CCDC171: variants seen among roughly 807,000 people sequenced by gnomAD.
The protein encoded by CCDC171 is coiled-coil domain containing 171.
A neutral mutation model predicts 168.2 loss-of-function variants in CCDC171; 177 were observed. That is an observed-to-expected ratio of 1.05 (90% confidence interval 0.93 to 1.19). The LOEUF (loss-of-function observed/expected upper bound fraction) is 1.19. Ranked by LOEUF, CCDC171 falls within the 50% of genes most tolerant of loss-of-function variation. The probability of loss-of-function intolerance (pLI) is 0.00; values close to 1 mark genes in which losing one functional copy is unlikely to be tolerated. For synonymous variants in CCDC171, 687 were observed against 540.8 expected (o/e 1.27, Z -3.75); for missense variants, 1,991 against 1,539.0 (o/e 1.29, Z -4.91).
rs553629309 is a variant in CCDC171, at chr9:15,559,388, A to G, written c.-111-4590A>G. Among the ~76,000 whole-genome samples, 3 of 152,200 alleles carry G rather than the reference A, an allele frequency of 2.0e-5. No homozygotes were observed. In the East Asian group the frequency reaches 5.8e-4, roughly 29 times the overall value. On this transcript the variant is annotated intron_variant, in intron 1 of 25. Coordinates refer to ENST00000380701, the MANE Select transcript of CCDC171 (RefSeq NM_173550.4). ...AGTCTAAGTCTCTTTGTAGGTCTCTAAGACTTGCTTTATGAATCTGGCTGC... is the reference window on the plus strand; with the variant it reads ...AGTCTAAGTCTCTTTGTAGGTCTCTGAGACTTGCTTTATGAATCTGGCTGC...
At chr9:15,639,764 C>G (rs970806512) in intron 7 of CCDC171, among the ~76,000 whole-genome samples, 3 of 152,074 alleles carry the variant, frequency 2.0e-5, no homozygotes, top group Admixed American at 2.0e-4. Flanking sequence ...CTGAATCTTT[C>G]TATGTTCTGC....
chr9:15,780,889 T>C (rs889574567), intron 20 of CCDC171, among the ~76,000 whole-genome samples: 1 of 152,218 alleles, frequency 6.6e-6, no homozygotes, highest in African/African-American at 2.4e-5. Context: ...CCATTTTACT[T>C]AAATAATAAA....
intron 25 of CCDC171, among the ~76,000 whole-genome samples, chr9:15,931,595 C>T (rs372454950): frequency 6.9e-4 from 103 of 149,446 alleles, no homozygotes; most frequent in African/African-American, 2.3e-3. Context: ...TCCATCATTT[C>T]CTTTGCTGTG....
intron 9 of CCDC171, among the ~76,000 whole-genome samples, chr9:15,667,757 C>T (rs1000269086): frequency 3.3e-5 from 5 of 152,220 alleles, no homozygotes; most frequent in Admixed American, 6.5e-5. Flanking sequence ...AAGATTGCAC[C>T]TGAAAGACTG....
chr9:15,898,100 A>G (rs554726782), intron 24 of CCDC171, among the ~76,000 whole-genome samples: 1 of 152,306 alleles, frequency 6.6e-6, no homozygotes, highest in Admixed American at 6.5e-5. Context: ...CGCAAAGCTT[A>G]TAACATGGTG....
chr9:15,560,417 T>C (rs879675327), intron 1 of CCDC171, among the ~76,000 whole-genome samples: 2 of 152,178 alleles, frequency 1.3e-5, no homozygotes, highest in South Asian at 2.1e-4. Flanking sequence ...TTGGAGGCTT[T>C]GTTCATTTCT....
At chr9:15,728,713 A>G (rs1238269655) in intron 15 of CCDC171, among the ~76,000 whole-genome samples, 6 of 152,092 alleles carry the variant, frequency 3.9e-5, no homozygotes, top group African/African-American at 1.4e-4. Flanking sequence ...AACATATGCC[A>G]CCATTAAAGA....
intron 20 of CCDC171, among the ~76,000 whole-genome samples, chr9:15,780,938 A>G (rs10732334): frequency 0.94 from 143,351 of 152,228 alleles, 67,570 homozygotes; most frequent in East Asian, 1. Context: ...CTTTTGAAGC[A>G]TGTCTCTCCT....
intron 10 of CCDC171, among the ~76,000 whole-genome samples, chr9:15,684,165 T>C (rs537399233): frequency 2.6e-5 from 4 of 152,242 alleles, no homozygotes; most frequent in African/African-American, 9.6e-5. Flanking sequence ...AAGTATGTAA[T>C]GAAGATTATA....
At chr9:16,091,499 C>T in the CCDC171 span, among the ~76,000 whole-genome samples, 1 of 152,142 alleles carries the variant, frequency 6.6e-6, no homozygotes, top group African/African-American at 2.4e-5. Flanking sequence ...TGACAAAGCA[C>T]CAAATGCTCT....
rs569385987 is a variant in CCDC171 at position 15,890,164 on chromosome 9, CT to C, written c.3600+15513del. On this transcript the variant is annotated intron_variant, in intron 24 of 25. Transcript: ENST00000380701. The stretch of plus-strand genomic sequence containing the variant: ...CTCTGGGACACAAAGGTAACTCAAA[CT>C]TTTTTTTTTTTGAGGGGAAAGAGAG... 1.8e-3 allele frequency among the ~76,000 whole-genome samples: 267 copies of C among 145,826 alleles called. 2 individuals carry two copies. The East Asian group carries it at 0.027, about 15-fold the overall frequency.
chr9:16,079,383 A>G, the CCDC171 span, among the ~76,000 whole-genome samples: 1 of 152,202 alleles, frequency 6.6e-6, no homozygotes, highest in African/African-American at 2.4e-5. Context: ...GGTAATTAGG[A>G]TGATCCCTAA....
intron 4 of CCDC171, among the ~76,000 whole-genome samples, chr9:15,583,795 A>G (rs1317144436): frequency 6.6e-6 from 1 of 152,188 alleles, no homozygotes; most frequent in Admixed American, 6.5e-5. Flanking sequence ...AAAATGTGAA[A>G]AAAATTGTCC....
downstream of CCDC171, among the ~76,000 whole-genome samples, chr9:15,976,794 A>C (rs1458775942): frequency 6.6e-6 from 1 of 152,096 alleles, no homozygotes; most frequent in African/African-American, 2.4e-5. Context: ...GAAATCTTCT[A>C]AAATTTTTAC....
chr9:15,742,223 C>G (rs1303694737), intron 16 of CCDC171, among the ~76,000 whole-genome samples: 2 of 152,164 alleles, frequency 1.3e-5, no homozygotes, highest in Non-Finnish European at 1.5e-5. Flanking sequence ...GTTTCTGATT[C>G]TCACATCCCT....
intron 1 of CCDC171, among the ~76,000 whole-genome samples, chr9:16,043,849 T>C (rs1015691507): frequency 2.6e-5 from 4 of 152,226 alleles, no homozygotes; most frequent in Non-Finnish European, 5.9e-5. Context: ...AGATCTTGTT[T>C]GGGTTTCAAA....
At chr9:15,738,669 A>G (rs1039816) in intron 16 of CCDC171, among the ~76,000 whole-genome samples, 144,388 of 152,114 alleles carry the variant, frequency 0.95, 68,564 homozygotes, top group East Asian at 1. Flanking sequence ...CACCCTTACA[A>G]TCAAACAGGC....
intron 11 of CCDC171, among the ~76,000 whole-genome samples, chr9:15,716,331 A>G (rs1446631114): frequency 6.6e-6 from 1 of 152,012 alleles, no homozygotes; most frequent in East Asian, 1.9e-4. Context: ...ACTCTTTGTG[A>G]GTTTTTAAAC....
rs879466851 is a variant in CCDC171, at chr9:15,929,375, C to T, written c.3753+8953C>T. Among the ~76,000 whole-genome samples the T allele has an allele frequency of 5.3e-5, 8 of 151,768 alleles. No homozygotes were observed. The Admixed American group carries it at 5.3e-4, about 10-fold the overall frequency. ...TTAAGGGTTTCAATTACCTATTAAA[C>T]ATCTGCACTTTGATTTTCTGCAAAA... On this transcript the variant is annotated intron_variant, in intron 25 of 25. Transcript: ENST00000380701.
Sources: allele counts gnomAD v4.1 joint callset (sites outside exome capture counted in the v4.1 genomes callset), GRCh38; gene constraint gnomAD v4.1.1; transcripts MANE v1.5; gene names NCBI Gene and HGNC (gene_info 2026-07-23, HGNC 2026-07-21).